The following SETD3 variants were observed in gnomAD, a reference collection of about 807,000 sequenced individuals.
The protein encoded by SETD3 is actin-histidine N-methyltransferase.
Under a neutral mutation model 63.0 loss-of-function variants are expected in SETD3, and 19 were observed. That is an observed-to-expected ratio of 0.30 (90% CI 0.21 to 0.44). The LOEUF (loss-of-function observed/expected upper bound fraction) is 0.44, where lower values mean the gene tolerates loss of function less well. SETD3 is among the 20% of genes least tolerant of loss of function. The probability of loss-of-function intolerance (pLI) is 1.00; values close to 1 mark genes in which losing one functional copy is unlikely to be tolerated. For missense variants in SETD3, 587 were observed against 728.5 expected, an observed-to-expected ratio of 0.81 and a Z score of 2.24; for synonymous variants, 286 against 264.1, an observed-to-expected ratio of 1.08 and a Z score of -0.80.
At chr14:99,473,912 T>A (rs2058881487) in intron 1 of SETD3, among the ~76,000 whole-genome samples, 1 of 152,194 alleles carries the variant, frequency 6.6e-6, no homozygotes, top group African/African-American at 2.4e-5. Flanking sequence ...CTTATACATA[T>A]CAGAAACGTG....
intron 6 of SETD3, 135 bp from the exon 7 acceptor site, chr14:99,414,069 C>A (rs779041722): frequency 8.0e-6 from 6 of 752,864 alleles, no homozygotes; most frequent in Non-Finnish European, 1.4e-5. Context: ...CGTCCAGCCG[C>A]GCTACAGAGG....
At chr14:99,412,756 G>T in intron 8 of SETD3, 195 bp downstream of exon 8, 1 of 553,434 alleles carries the variant, frequency 1.8e-6, no homozygotes, top group Non-Finnish European at 3.2e-6. Context: ...TTCAGTATTA[G>T]TCAATGCAGT....
chr14:99,399,756 T>A (rs1038956349), intron 12 of SETD3, among the ~76,000 whole-genome samples: 4 of 142,660 alleles, frequency 2.8e-5, no homozygotes, highest in Non-Finnish European at 4.6e-5. Flanking sequence ...TTTTTTTTTT[T>A]TTTTTTTTTT....
At chr14:99,445,649 T>G (rs1401743949) in intron 6 of SETD3, among the ~76,000 whole-genome samples, 1 of 152,126 alleles carries the variant, frequency 6.6e-6, no homozygotes, top group East Asian at 1.9e-4. Context: ...GACACCAGAG[T>G]ATGGGTATAC....
intron 8 of SETD3, among the ~76,000 whole-genome samples, chr14:99,407,784 T>C (rs1377495105): frequency 6.6e-6 from 1 of 152,098 alleles, no homozygotes. Context: ...CAAGTCACGT[T>C]ATCTGTGCAC....
chr14:99,413,058 C>G lies in SETD3; in HGVS notation c.742G>C (p.Val248Leu), dbSNP rs768445208. The change falls in exon 8 of 13, where the codon GTC becomes CTC. Residue 248 changes from valine (V) to leucine (L), a missense_variant. Physicochemically the swap from Val to Leu is conservative, Grantham distance 32. Transcript: ENST00000331768. ...TTTTGCCTCGTCATAACAGAAGAGA[C>G]TGCCCACCTATAACAAGATAAATGG... Reference protein sequence around the residue: ...SFTYEDYRWAVSSVMTRQNQI... With the variant: ...SFTYEDYRWALSSVMTRQNQI... 1.3e-6 allele frequency: 2 copies of G among 1,596,888 alleles called. No individual in the cohort carries two copies. The highest frequency in any genetic ancestry group is 1.7e-6 in the Non-Finnish European group (2 of 1,164,632).
chr14:99,466,980 A>T (rs1895420472), intron 1 of SETD3, among the ~76,000 whole-genome samples: 1 of 152,252 alleles, frequency 6.6e-6, no homozygotes, highest in Non-Finnish European at 1.5e-5. Flanking sequence ...AAAAAGTGGT[A>T]ACTATCACCA....
intron 1 of SETD3, among the ~76,000 whole-genome samples, chr14:99,467,236 T>A (rs1027580549): frequency 3.3e-5 from 5 of 152,252 alleles, no homozygotes; most frequent in African/African-American, 1.2e-4. Flanking sequence ...TCAGTCATCC[T>A]GGAATAAAAG....
At chr14:99,470,414 T>C (rs1486596187) in intron 1 of SETD3, among the ~76,000 whole-genome samples, 1 of 152,226 alleles carries the variant, frequency 6.6e-6, no homozygotes, top group Non-Finnish European at 1.5e-5. Flanking sequence ...AAAAAGTGGC[T>C]AGCCTAGGTT....
At chr14:99,410,198 G>T in intron 8 of SETD3, 1 of 1,613,512 alleles carries the variant, frequency 6.2e-7, no homozygotes, top group Non-Finnish European at 8.5e-7. Flanking sequence ...CAGCAAGAGC[G>T]AAGGAATCTT....
chr14:99,447,135 CTAATTTGTG>C (rs927618355), intron 6 of SETD3, among the ~76,000 whole-genome samples: 3 of 152,164 alleles, frequency 2.0e-5, no homozygotes, highest in African/African-American at 7.2e-5. Flanking sequence ...CCACGCCCAG[CTAATTTGTG>C]TATTTTTTAG....
At chr14:99,467,776 G>C (rs1895472392) in intron 1 of SETD3, among the ~76,000 whole-genome samples, 1 of 152,166 alleles carries the variant, frequency 6.6e-6, no homozygotes, top group Non-Finnish European at 1.5e-5. Flanking sequence ...AAGTGAGCCT[G>C]GGACAGGGCT....
intron 6 of SETD3, among the ~76,000 whole-genome samples, chr14:99,431,797 C>T (rs1166855149): frequency 3.9e-5 from 6 of 152,114 alleles, no homozygotes; most frequent in Non-Finnish European, 2.9e-5. Flanking sequence ...AAGACCCTAG[C>T]GTCTAAACCT....
At chr14:99,462,912 T>G (rs1895152537) in intron 3 of SETD3, among the ~76,000 whole-genome samples, 1 of 152,228 alleles carries the variant, frequency 6.6e-6, no homozygotes, top group South Asian at 2.1e-4. Flanking sequence ...TGCATAATAA[T>G]CTTTACTTTT....
upstream of SETD3, among the ~76,000 whole-genome samples, chr14:99,481,992 G>T (rs999097770): frequency 6.6e-6 from 1 of 152,150 alleles, no homozygotes; most frequent in Non-Finnish European, 1.5e-5. Flanking sequence ...ATTAGATTTC[G>T]TTCTTGCCCA....
chr14:99,400,664 T>C (rs947582624), intron 11 of SETD3, among the ~76,000 whole-genome samples: 3 of 152,164 alleles, frequency 2.0e-5, no homozygotes, highest in African/African-American at 7.2e-5. Flanking sequence ...AGGTGAACGA[T>C]GTAAACGGTG....
Position 99,405,246 on chromosome 14 carries a change from G to A in SETD3, c.1050C>T (p.Tyr350=), listed in dbSNP as rs535486477. 71 of 1,612,766 alleles carry A rather than the reference G, an allele frequency of 4.4e-5. 1 individual carries two copies. The highest frequency in any genetic ancestry group is 3.3e-4 in the East Asian group (15 of 44,790). Residue 350 remains tyrosine (Y), a synonymous_variant, in exon 10 of 13, where the codon TAC becomes TAT. Transcript: ENST00000331768. ...GAGCCAAGACCTCGGCCTTCATGGCGTAGAGTCTGTCACTTTTACTCACTC... is the reference window on the plus strand; with the variant it reads ...GAGCCAAGACCTCGGCCTTCATGGCATAGAGTCTGTCACTTTTACTCACTC... ...KLGVSKSDRL[Y]AMKAEVLARA...
rs769613116 is a variant in SETD3 at position 99,398,656 on chromosome 14, C to G, written c.*23G>C. 6.3e-6 allele frequency: 10 copies of G among 1,598,158 alleles called. No homozygotes were observed. In the Middle Eastern group the frequency reaches 6.6e-4, roughly 106 times the overall value. On this transcript the variant is annotated 3_prime_UTR_variant, in exon 13 of 13. Transcript: ENST00000331768. Reference sequence around the variant, plus strand: ...TCCGTCAACTCCTGCTCCACTGGATCCCCCATCCAGCTTCACCTCGAGCTA... The same window carrying G: ...TCCGTCAACTCCTGCTCCACTGGATGCCCCATCCAGCTTCACCTCGAGCTA...
At chr14:99,403,468 CTCTCTCTCTCTCTCTCTCTCTT>C (rs1236048113) in intron 11 of SETD3, among the ~76,000 whole-genome samples, 1 of 140,902 alleles carries the variant, frequency 7.1e-6, no homozygotes, top group African/African-American at 3.2e-5. Flanking sequence ...CTCTCTCTCT[CTCTCTCTCTCTCTCTCTCTCTT>C]TCTCTCTCTT....
Sources: allele counts gnomAD v4.1 joint callset (sites outside exome capture counted in the v4.1 genomes callset), GRCh38; gene constraint gnomAD v4.1.1; transcripts MANE v1.5; gene names NCBI Gene and HGNC (gene_info 2026-07-23, HGNC 2026-07-21).